The following XRCC3 variants were observed in gnomAD, a reference collection of about 807,000 sequenced individuals.
The protein encoded by XRCC3 is X-ray repair cross complementing 3.
Under a neutral mutation model 29.2 loss-of-function variants are expected in XRCC3, and 34 were observed. The ratio of observed to expected loss-of-function variants is 1.16; its 90% CI spans 0.88 to 1.55. The LOEUF (loss-of-function observed/expected upper bound fraction) is 1.55. Among genes scored for constraint, XRCC3 ranks in the 40% most tolerant of loss-of-function variants. The probability of loss-of-function intolerance (pLI) is 0.00; values close to 1 mark genes in which losing one functional copy is unlikely to be tolerated. For synonymous variants in XRCC3, 223 were observed against 211.3 expected, an observed-to-expected ratio of 1.06 and a Z score of -0.48; for missense variants, 463 against 467.6, an observed-to-expected ratio of 0.99 and a Z score of 0.09.
rs1408017184 is a variant in XRCC3, at chr14:103,707,224, C to T, written c.194-9G>A. The stretch of plus-strand genomic sequence containing the variant: ...CTGGTGCAGCTGCAGTGCTAAAGGG[C>T]AGGGATAGTGTCAGGCCTGACTCTC... On this transcript the variant is annotated splice_polypyrimidine_tract_variant and intron_variant, in intron 5 of 9. Coordinates refer to ENST00000555055, the MANE Select transcript of XRCC3 (RefSeq NM_005432.4). 2.6e-6 allele frequency: 4 copies of T among 1,548,474 alleles called. No individual in the cohort carries two copies. Among genetic ancestry groups the T allele is most frequent in the Non-Finnish European group, 2.6e-6 (3 of 1,146,656 alleles).
At chr14:103,700,431 T>G in intron 7 of XRCC3, 2 of 467,656 alleles carry the variant, frequency 4.3e-6, no homozygotes, top group Non-Finnish European at 3.8e-6. Context: ...TGAGCCATGG[T>G]GATGGGGGAG....
Position 103,709,118 on chromosome 14 carries a change from C to T in XRCC3, c.56-459G>A, listed in dbSNP as rs569573511. 61 of 315,386 alleles carry T rather than the reference C, an allele frequency of 1.9e-4. 1 individual carries two copies. The highest frequency in any genetic ancestry group is 1.7e-3 in the South Asian group (61 of 36,860). The allele number at this position is 315,386 out of a possible 1,614,324, so 19.5% of individuals were successfully genotyped here. On this transcript the variant is annotated intron_variant, in intron 4 of 9. Transcript: ENST00000555055. ...TGAGCCGCGGGAGAGGACATGTGCC[C>T]TGGGGAGGGGAGCGCTGGGAGGGTA...
Position 103,707,067 on chromosome 14 carries a change from G to T in XRCC3, c.342C>A (p.Thr114=). ...ELAGRSSAGK[T]QLALQLCLAV... is the part of the protein sequence containing the mutation. ...CCAGGCAGAGCTGCAGCGCCAGCTG[G>T]GTCTTCCCTGCCGAGCTGCGTCCGG... The change falls in exon 6 of 10, where the codon ACC becomes ACA. Residue 114 remains threonine, a synonymous_variant. Coordinates refer to ENST00000555055, the MANE Select transcript of XRCC3 (RefSeq NM_005432.4). 1 of 1,562,382 alleles carries T rather than the reference G, an allele frequency of 6.4e-7. No individual in the cohort carries two copies. The highest frequency in any genetic ancestry group is 8.7e-7 in the Non-Finnish European group (1 of 1,155,536).
rs988825515 is a variant in XRCC3 at position 103,709,069 on chromosome 14, C to T, written c.56-410G>A. 1.4e-4 allele frequency: 48 copies of T among 348,328 alleles called. 1 individual carries two copies. The highest frequency in any genetic ancestry group is 9.0e-4 in the African/African-American group (42 of 46,648). The allele number at this position is 348,328 out of a possible 1,614,324, so 21.6% of individuals were successfully genotyped here. On this transcript the variant is annotated intron_variant, in intron 4 of 9. Coordinates refer to ENST00000555055, the MANE Select transcript of XRCC3 (RefSeq NM_005432.4). Reference sequence around the variant, plus strand: ...AACCAGCACCGAGCTTTCCACCACCCGCCCACCAGGCATGGATCTGGGCTG... The same window carrying T: ...AACCAGCACCGAGCTTTCCACCACCTGCCCACCAGGCATGGATCTGGGCTG...
intron 7 of XRCC3, chr14:103,700,613 C>T (rs1446515878): frequency 6.5e-7 from 1 of 1,544,548 alleles, no homozygotes; most frequent in Non-Finnish European, 8.9e-7. Flanking sequence ...CTGAGGGCCG[C>T]CTGCACGCCC....
At chr14:103,703,820 CA>C in intron 6 of XRCC3, 1 of 207,906 alleles carries the variant, frequency 4.8e-6, no homozygotes, top group Non-Finnish European at 9.9e-6. Context: ...TGGTGAAATT[CA>C]AAAAGCCAGC....
At chr14:103,708,449 C>G in intron 5 of XRCC3, 73 bp downstream of exon 5, 1 of 1,603,994 alleles carries the variant, frequency 6.2e-7, no homozygotes, top group Non-Finnish European at 8.5e-7. Flanking sequence ...TGCACAGCCC[C>G]TGCCCTGCAC....
At chr14:103,703,045 T>C (rs2083289371) in intron 7 of XRCC3, 128 bp downstream of exon 7, 1 of 1,409,902 alleles carries the variant, frequency 7.1e-7, no homozygotes, top group African/African-American at 1.4e-5. Flanking sequence ...TGACCCATGC[T>C]GTGTTCAGAG....
chr14:103,703,081 CTG>C, intron 7 of XRCC3, 90 bp downstream of exon 7: 1 of 1,527,468 alleles, frequency 6.5e-7, no homozygotes, highest in Non-Finnish European at 8.8e-7. Context: ...CCCTGCCCTG[CTG>C]TGAGACCCCA....
At chr14:103,708,797 G>T in intron 4 of XRCC3, 138 bp from the exon 5 acceptor site, 1 of 1,143,852 alleles carries the variant, frequency 8.7e-7, no homozygotes, top group Non-Finnish European at 1.3e-6. Context: ...GTAGGGACCG[G>T]ATCCCCTGCT....
intron 6 of XRCC3, chr14:103,704,332 A>G (rs1311042890): frequency 6.6e-6 from 1 of 152,202 alleles, no homozygotes; most frequent in Non-Finnish European, 1.5e-5. Flanking sequence ...GGGGTGAGGG[A>G]ACTGTTCTGG....
Position 103,698,614 on chromosome 14 carries a change from C to T in XRCC3, c.*184G>A, listed in dbSNP as rs921118636. 5 of 641,936 alleles carry T rather than the reference C, an allele frequency of 7.8e-6. No homozygotes were observed. Among genetic ancestry groups the T allele is most frequent in the Non-Finnish European group, 8.2e-6 (3 of 363,716 alleles). 39.8% of individuals were successfully genotyped at this position (641,936 alleles called of 1,614,324 possible). A position where few individuals can be genotyped will look rare whatever the true frequency, so the allele number is the denominator to read the frequency against. ...CCCAGGGAGAGGCAGAACATCCCCCCAGCTCAGATGGGGGTCAGTCTGTGG... is the reference window on the plus strand; with the variant it reads ...CCCAGGGAGAGGCAGAACATCCCCCTAGCTCAGATGGGGGTCAGTCTGTGG... On this transcript the variant is annotated 3_prime_UTR_variant, in exon 10 of 10. Transcript: ENST00000555055.
chr14:103,698,837 G>T lies in XRCC3; in HGVS notation c.1002C>A (p.Ala334=), dbSNP rs1026391139. ...PPSSCSYTIS[A]EGVRGTPGTQ... ...TCCCAGGTGTCCCTCGCACCCCTTC[G>T]GCACTGATCGTGTAGGAACAGGAGG... is the stretch of plus-strand genomic sequence containing the variant. Residue 334 remains alanine, a synonymous_variant, in exon 10 of 10, where the codon GCC becomes GCA. Coordinates refer to ENST00000555055, the MANE Select transcript of XRCC3 (RefSeq NM_005432.4). The T allele has an allele frequency of 6.2e-7, 1 of 1,606,550 alleles. No homozygotes were observed. The highest frequency in any genetic ancestry group is 8.5e-7 in the Non-Finnish European group (1 of 1,177,196).
chr14:103,714,833 G>C (rs199793653), intron 1 of XRCC3, among the ~76,000 whole-genome samples: 1,654 of 152,112 alleles, frequency 0.011, 21 homozygotes, highest in South Asian at 0.042. Context: ...TTACAGGCAC[G>C]TGCCACCACA....
At chr14:103,711,747 C>G in intron 2 of XRCC3, 180 bp from the exon 3 acceptor site, 1 of 455,610 alleles carries the variant, frequency 2.2e-6, no homozygotes, top group Non-Finnish European at 4.4e-6. Context: ...CCGAGCCTGG[C>G]CCAGCAAGGG....
chr14:103,706,034 TCC>T (rs2083423553), intron 6 of XRCC3: 1 of 267,470 alleles, frequency 3.7e-6, no homozygotes, highest in Admixed American at 4.9e-5. Flanking sequence ...GAGGGTGCCC[TCC>T]CCTGGGCTGC....
At chr14:103,713,121 C>A (rs941801540) in intron 1 of XRCC3, 190 bp from the exon 2 acceptor site, 1 of 152,518 alleles carries the variant, frequency 6.6e-6, no homozygotes, top group Non-Finnish European at 1.5e-5. Context: ...ACCTTCCATC[C>A]TCTGCCCCTG....
intron 6 of XRCC3, chr14:103,706,438 AAGTT>A: frequency 2.2e-6 from 1 of 455,788 alleles, no homozygotes; most frequent in Non-Finnish European, 4.4e-6. Flanking sequence ...ATTAGTTTAA[AAGTT>A]AAGGAGCTAC....
Position 103,698,590 on chromosome 14 carries a change from C to T in XRCC3, c.*208G>A, listed in dbSNP as rs1451400576. On this transcript the variant is annotated 3_prime_UTR_variant, in exon 10 of 10. Coordinates refer to ENST00000555055, the MANE Select transcript of XRCC3 (RefSeq NM_005432.4). ...CCAGCAAGCGGGCCTGTCCCCAGACCCAGGGAGAGGCAGAACATCCCCCCA... is the reference window on the plus strand; with the variant it reads ...CCAGCAAGCGGGCCTGTCCCCAGACTCAGGGAGAGGCAGAACATCCCCCCA... 6.6e-6 allele frequency: 4 copies of T among 610,058 alleles called. No homozygotes were observed. In the Admixed American group the frequency reaches 8.2e-5, roughly 12 times the overall value. 37.8% of individuals were successfully genotyped at this position (610,058 alleles called of 1,614,324 possible).
Sources: gnomAD v4.1 joint callset for allele counts (sites outside exome capture counted in the v4.1 genomes callset) on GRCh38, gnomAD v4.1.1 for gene constraint, MANE v1.5 for transcripts, NCBI Gene and HGNC (gene_info 2026-07-23, HGNC 2026-07-21) for gene names.